The following DTD1 variants were observed in gnomAD, a reference collection of about 807,000 sequenced individuals.
DTD1 encodes the protein D-tyrosyl-tRNA deacylase 1 homolog.
In DTD1, 13 loss-of-function variants were observed where a neutral mutation model predicts 25.6. The ratio of observed to expected loss-of-function variants is 0.51; its 90% CI spans 0.33 to 0.81. The LOEUF (loss-of-function observed/expected upper bound fraction) is 0.81. Among genes scored for constraint, DTD1 ranks in the 30% least tolerant of loss-of-function variants. DTD1 has a pLI of 0.02. For missense variants in DTD1, 193 were observed against 266.4 expected (o/e 0.72, Z 1.92); for synonymous variants, 110 against 103.6 (o/e 1.06, Z -0.37).
intron 4 of DTD1, among the ~76,000 whole-genome samples, chr20:18,728,646 G>A (rs1310766404): frequency 2.0e-5 from 3 of 152,188 alleles, no homozygotes; most frequent in Admixed American, 2.0e-4. Context: ...CCAAAGGGAT[G>A]TGGCCCTAAG....
At chr20:18,714,808 C>A (rs1211088848) in intron 4 of DTD1, among the ~76,000 whole-genome samples, 1 of 152,206 alleles carries the variant, frequency 6.6e-6, no homozygotes, top group Non-Finnish European at 1.5e-5. Context: ...AAACTAATTT[C>A]CTATTTCAAC....
At chr20:18,708,047 C>A (rs1379893953) in intron 4 of DTD1, among the ~76,000 whole-genome samples, 1 of 149,912 alleles carries the variant, frequency 6.7e-6, no homozygotes, top group Non-Finnish European at 1.5e-5. Context: ...AGGGCCATTT[C>A]TCTGCCTCTT....
chr20:18,605,754 T>G (rs2060654346), intron 3 of DTD1, among the ~76,000 whole-genome samples: 1 of 35,012 alleles, frequency 2.9e-5, no homozygotes, highest in Non-Finnish European at 5.6e-5. Flanking sequence ...ATCCCTTCCT[T>G]ACACCTTATA....
intron 4 of DTD1, among the ~76,000 whole-genome samples, chr20:18,704,290 A>G (rs1402180177): frequency 6.6e-6 from 1 of 152,098 alleles, no homozygotes; most frequent in Non-Finnish European, 1.5e-5. Flanking sequence ...GTGAGCCACC[A>G]CGCCCAGCCA....
intron 3 of DTD1, among the ~76,000 whole-genome samples, chr20:18,608,021 T>G (rs975044642): frequency 6.6e-6 from 1 of 152,210 alleles, no homozygotes; most frequent in Non-Finnish European, 1.5e-5. Context: ...GCCTGTCTAT[T>G]TCTTCTTGTG....
chr20:18,764,004 A>G lies in DTD1; in HGVS notation c.*664A>G, dbSNP rs2061372889. 6.6e-6 allele frequency: 1 copy of G among 152,234 alleles called. No individual in the cohort carries two copies. The highest frequency in any genetic ancestry group is 2.4e-5 in the African/African-American group (1 of 41,462). 9.4% of individuals were successfully genotyped at this position (152,234 alleles called of 1,614,324 possible). A position where few individuals can be genotyped will look rare whatever the true frequency, so the allele number is the denominator to read the frequency against. The stretch of plus-strand genomic sequence containing the variant: ...TATGCGTATCTACACTTCTTTTCAC[A>G]TAAGTCTCTCGCAAGAGGGCCTTCT... On this transcript the variant is annotated 3_prime_UTR_variant, in exon 6 of 6. Coordinates refer to ENST00000377452, the MANE Select transcript of DTD1 (RefSeq NM_080820.6).
intron 4 of DTD1, among the ~76,000 whole-genome samples, chr20:18,636,673 C>A (rs558874556): frequency 6.6e-6 from 1 of 152,204 alleles, no homozygotes; most frequent in South Asian, 2.1e-4. Flanking sequence ...CACAGACTGG[C>A]CTGAGCTTAT....
chr20:18,726,652 T>C (rs6075405), intron 4 of DTD1, among the ~76,000 whole-genome samples: 126,140 of 152,122 alleles, frequency 0.83, 53,411 homozygotes, highest in Non-Finnish European at 0.93. Context: ...TAGTGGGGAG[T>C]GTTGATACTT....
intron 3 of DTD1, among the ~76,000 whole-genome samples, chr20:18,606,128 G>T (rs13037536): frequency 2.2e-4 from 33 of 147,582 alleles, no homozygotes; most frequent in African/African-American, 7.8e-4. Context: ...GACATGAACA[G>T]ACAATTCTCA....
At chr20:18,753,562 C>T (rs13036321) in intron 5 of DTD1, among the ~76,000 whole-genome samples, 57,089 of 142,494 alleles carry the variant, frequency 0.4, 12,315 homozygotes, top group South Asian at 0.52. Flanking sequence ...GAACTGAGAT[C>T]GCGCCACTGC....
intron 4 of DTD1, among the ~76,000 whole-genome samples, chr20:18,719,462 G>A (rs1341222803): frequency 2.6e-5 from 4 of 152,234 alleles, no homozygotes; most frequent in African/African-American, 9.6e-5. Flanking sequence ...CAGTTGGAGT[G>A]GCTGGAATGG....
At chr20:18,648,961 A>G (rs1410629920) in intron 4 of DTD1, among the ~76,000 whole-genome samples, 12 of 122,402 alleles carry the variant, frequency 9.8e-5, no homozygotes. Context: ...GCGCCACTGC[A>G]CTCCAGCCTG....
intron 4 of DTD1, among the ~76,000 whole-genome samples, chr20:18,718,833 A>G (rs1465171022): frequency 6.6e-6 from 1 of 152,056 alleles, no homozygotes; most frequent in Non-Finnish European, 1.5e-5. Context: ...TTTGGCCCAC[A>G]TAAGAATCCA....
chr20:18,727,650 C>G (rs374048751), intron 4 of DTD1, among the ~76,000 whole-genome samples: 1 of 152,030 alleles, frequency 6.6e-6, no homozygotes, highest in Non-Finnish European at 1.5e-5. Flanking sequence ...ATGAGAAGAC[C>G]CCTGTTTTTA....
At chr20:18,738,210 G>T (rs1175901795) in intron 4 of DTD1, among the ~76,000 whole-genome samples, 1 of 152,212 alleles carries the variant, frequency 6.6e-6, no homozygotes, top group Non-Finnish European at 1.5e-5. Context: ...TGGCTCCCTG[G>T]GAAGAATGCG....
At chr20:18,670,738 T>C (rs918477716) in intron 4 of DTD1, among the ~76,000 whole-genome samples, 3 of 152,184 alleles carry the variant, frequency 2.0e-5, no homozygotes, top group Non-Finnish European at 2.9e-5. Flanking sequence ...TCTTCATTGG[T>C]TCATGAGAGG....
chr20:18,634,281 A>G (rs866637380), intron 4 of DTD1, among the ~76,000 whole-genome samples: 1 of 152,126 alleles, frequency 6.6e-6, no homozygotes, highest in Non-Finnish European at 1.5e-5. Flanking sequence ...TGAGCCTCAC[A>G]TGGATTGGGG....
chr20:18,611,497 C>A (rs1007206238), intron 3 of DTD1, among the ~76,000 whole-genome samples: 52 of 152,150 alleles, frequency 3.4e-4, no homozygotes, highest in African/African-American at 1.2e-3. Context: ...AACATTTTTT[C>A]ACTCCCTTCT....
intron 4 of DTD1, among the ~76,000 whole-genome samples, chr20:18,661,561 C>CG (rs1198420573): frequency 5.9e-5 from 9 of 151,998 alleles, no homozygotes; most frequent in Non-Finnish European, 1.2e-4. Flanking sequence ...TTAGTAGAGA[C>CG]GGGGTTTCAC....
Sources: allele counts gnomAD v4.1 joint callset (sites outside exome capture counted in the v4.1 genomes callset), GRCh38; gene constraint gnomAD v4.1.1; transcripts MANE v1.5; gene names NCBI Gene and HGNC (gene_info 2026-07-23, HGNC 2026-07-21).